Variants in DOCK1 observed in about 807,000 individuals in gnomAD.
DOCK1 encodes dedicator of cytokinesis 1.
A neutral mutation model predicts 262.7 loss-of-function variants in DOCK1; 138 were observed. That is an observed-to-expected ratio of 0.53 (90% CI 0.46 to 0.61). The LOEUF (loss-of-function observed/expected upper bound fraction) is 0.61, where lower values mean the gene tolerates loss of function less well. Among genes scored for constraint, DOCK1 ranks in the 20% least tolerant of loss-of-function variants. The probability of loss-of-function intolerance (pLI) is 0.00; values close to 1 mark genes in which losing one functional copy is unlikely to be tolerated. For missense variants in DOCK1, 1,908 were observed against 2,370.7 expected, an observed-to-expected ratio of 0.80 and a Z score of 4.05; for synonymous variants, 866 against 867.4, an observed-to-expected ratio of 1.00 and a Z score of 0.03.
intron 1 of DOCK1, among the ~76,000 whole-genome samples, chr10:126,909,830 A>G (rs575923023): frequency 6.6e-6 from 1 of 152,248 alleles, no homozygotes; most frequent in Non-Finnish European, 1.5e-5. Flanking sequence ...TTAATAAAGC[A>G]TAAAGTTTAG....
chr10:127,250,791 CAAAAAAAAAA>C (rs1180814401), intron 28 of DOCK1, among the ~76,000 whole-genome samples: 20 of 64,070 alleles, frequency 3.1e-4, no homozygotes, highest in African/African-American at 1.4e-3. Flanking sequence ...GACTCCGTCT[CAAAAAAAAAA>C]AAAAAAAAAA....
intron 27 of DOCK1, among the ~76,000 whole-genome samples, chr10:127,233,609 G>C (rs1590052755): frequency 6.6e-6 from 1 of 152,200 alleles, no homozygotes; most frequent in Non-Finnish European, 1.5e-5. Flanking sequence ...TTTAAATTCA[G>C]CTGCCAGTAA....
At chr10:127,346,933 G>A (rs990572388) in intron 31 of DOCK1, among the ~76,000 whole-genome samples, 5 of 152,188 alleles carry the variant, frequency 3.3e-5, no homozygotes, top group Non-Finnish European at 7.3e-5. Flanking sequence ...GTTCTGCTCC[G>A]CTTGTGGAGG....
At chr10:127,230,657 A>T (rs960736238) in intron 27 of DOCK1, among the ~76,000 whole-genome samples, 6 of 151,988 alleles carry the variant, frequency 3.9e-5, no homozygotes, top group African/African-American at 1.4e-4. Flanking sequence ...TATTGTTTTG[A>T]TTACTATAGC....
chr10:127,451,113 G>A (rs568390234), intron 51 of DOCK1, among the ~76,000 whole-genome samples: 85 of 152,214 alleles, frequency 5.6e-4, no homozygotes, highest in Non-Finnish European at 1.0e-3. Flanking sequence ...CAGACGGTGG[G>A]AGAGTGCTCA....
In DOCK1 at chr10:127,009,698, G is replaced by C. The variant is rs560606225; in HGVS notation, c.1058+894G>C. ...TTTATTCTTAATCGACTTCAGACTT[G>C]AAACACATTTCAGATTTTAGAAATT... On this transcript the variant is annotated intron_variant, in intron 11 of 51. Transcript: ENST00000623213. Among the ~76,000 whole-genome samples, 7 of 152,242 alleles carry C rather than the reference G, an allele frequency of 4.6e-5. No individual in the cohort carries two copies. The South Asian group carries it at 1.2e-3, about 27-fold the overall frequency.
intron 27 of DOCK1, among the ~76,000 whole-genome samples, chr10:127,158,065 G>A (rs2053249868): frequency 1.3e-5 from 2 of 152,120 alleles, no homozygotes; most frequent in East Asian, 3.9e-4. Context: ...GTAGGGTTTG[G>A]CTTCACTGAT....
chr10:126,929,948 C>T (rs2134173834), intron 1 of DOCK1, among the ~76,000 whole-genome samples: 1 of 152,320 alleles, frequency 6.6e-6, no homozygotes, highest in African/African-American at 2.4e-5. Flanking sequence ...GCCATGTACC[C>T]ATTTAGCAGT....
In DOCK1 at chr10:126,910,568, A is replaced by G. The variant is rs565067253; in HGVS notation, c.46+5005A>G. Reference sequence around the variant, plus strand: ...TGTATTTTCAGATAATTATAGCCAAATGCGGGTGTAAAATATAATTCAGGG... The same window carrying G: ...TGTATTTTCAGATAATTATAGCCAAGTGCGGGTGTAAAATATAATTCAGGG... On this transcript the variant is annotated intron_variant, in intron 1 of 51. Coordinates refer to ENST00000623213, the MANE Select transcript of DOCK1 (RefSeq NM_001290223.2). Among the ~76,000 whole-genome samples, 105 of 152,366 alleles carry G rather than the reference A, an allele frequency of 6.9e-4. No homozygotes were observed. The Middle Eastern group carries it at 0.014, about 20-fold the overall frequency.
At chr10:127,419,849 G>T (rs773560236) in intron 46 of DOCK1, 100 bp downstream of exon 46, 17 of 1,280,002 alleles carry the variant, frequency 1.3e-5, no homozygotes, top group Non-Finnish European at 1.9e-5. Context: ...TCCCTGGGCT[G>T]CAGTCCTGAT....
intron 25 of DOCK1, among the ~76,000 whole-genome samples, chr10:127,115,505 C>G (rs1354353317): frequency 6.6e-6 from 1 of 152,224 alleles, no homozygotes; most frequent in Non-Finnish European, 1.5e-5. Flanking sequence ...AAAGCTTCAT[C>G]ATTTGTGCAT....
chr10:126,932,876 A>C (rs1385574848), intron 1 of DOCK1, among the ~76,000 whole-genome samples: 6 of 152,156 alleles, frequency 3.9e-5, no homozygotes, highest in African/African-American at 1.4e-4. Context: ...GATCAGGCCA[A>C]GAACTGGGCC....
intron 1 of DOCK1, among the ~76,000 whole-genome samples, chr10:126,970,198 A>G (rs546393482): frequency 6.6e-6 from 1 of 152,296 alleles, no homozygotes; most frequent in Non-Finnish European, 1.5e-5. Flanking sequence ...TTATGTCAGG[A>G]TAAACATGGG....
chr10:126,974,020 C>T (rs995437489), intron 2 of DOCK1, among the ~76,000 whole-genome samples: 5 of 152,260 alleles, frequency 3.3e-5, no homozygotes, highest in East Asian at 3.9e-4. Flanking sequence ...CTTGAGCTCA[C>T]GAAGGCTTAC....
At chr10:127,135,557 A>G (rs1219033993) in intron 27 of DOCK1, 2 of 152,786 alleles carry the variant, frequency 1.3e-5, no homozygotes, top group South Asian at 2.1e-4. Context: ...TTGCTTTTGT[A>G]TCAGCGTTTT....
intron 23 of DOCK1, among the ~76,000 whole-genome samples, chr10:127,095,018 G>C (rs2047823502): frequency 6.6e-6 from 1 of 151,988 alleles, no homozygotes; most frequent in Admixed American, 6.5e-5. Context: ...GGTATCAAGT[G>C]AAAAAACAAA....
At chr10:126,972,720 A>T (rs895309767) in intron 2 of DOCK1, among the ~76,000 whole-genome samples, 2 of 151,966 alleles carry the variant, frequency 1.3e-5, no homozygotes, top group Non-Finnish European at 2.9e-5. Flanking sequence ...CCTCTGAGAA[A>T]CACAGACCTA....
intron 27 of DOCK1, among the ~76,000 whole-genome samples, chr10:127,182,953 A>G (rs776420562): frequency 5.3e-5 from 8 of 152,106 alleles, no homozygotes; most frequent in Non-Finnish European, 1.2e-4. Context: ...AGTTGGCAGG[A>G]CACAGAAGAG....
chr10:127,151,174 A>T (rs1015805506), intron 27 of DOCK1, among the ~76,000 whole-genome samples: 2 of 152,130 alleles, frequency 1.3e-5, no homozygotes, highest in African/African-American at 4.8e-5. Flanking sequence ...TTAAACTTTA[A>T]TTATTTCCAT....
Sources: allele counts gnomAD v4.1 joint callset (sites outside exome capture counted in the v4.1 genomes callset), GRCh38; gene constraint gnomAD v4.1.1; transcripts MANE v1.5; gene names NCBI Gene and HGNC (gene_info 2026-07-23, HGNC 2026-07-21).